MON2: variants seen among roughly 807,000 people sequenced by gnomAD.
MON2 encodes the protein MON2 regulator of endosome-to-Golgi trafficking.
A neutral mutation model predicts 208.6 loss-of-function variants in MON2; 84 were observed. The observed-to-expected ratio is 0.40, with a 90% confidence interval of 0.34 to 0.48. The LOEUF is 0.48. Among genes scored for constraint, MON2 ranks in the 20% least tolerant of loss-of-function variants. The probability of loss-of-function intolerance (pLI) is 0.59; values close to 1 mark genes in which losing one functional copy is unlikely to be tolerated. For synonymous variants in MON2, 660 were observed against 694.0 expected (o/e 0.95, Z 0.77); for missense variants, 1,611 against 2,015.4 (o/e 0.80, Z 3.84).
chr12:62,564,278 A>G (rs1304080276), intron 26 of MON2, among the ~76,000 whole-genome samples: 1 of 152,100 alleles, frequency 6.6e-6, no homozygotes, highest in Non-Finnish European at 1.5e-5. Flanking sequence ...TTTTGTACAT[A>G]CTGTTTTTAA....
intron 29 of MON2, among the ~76,000 whole-genome samples, chr12:62,568,109 A>T (rs1311455160): frequency 6.6e-6 from 1 of 152,204 alleles, no homozygotes; most frequent in Non-Finnish European, 1.5e-5. Context: ...AATAGAGATG[A>T]CACTTGAAAA....
intron 11 of MON2, among the ~76,000 whole-genome samples, chr12:62,528,333 A>C (rs992561758): frequency 2.6e-5 from 4 of 152,154 alleles, no homozygotes; most frequent in African/African-American, 9.7e-5. Context: ...TTGAAAACTT[A>C]AGTGATATAT....
intron 1 of MON2, among the ~76,000 whole-genome samples, chr12:62,476,323 G>A (rs142216351): frequency 3.7e-3 from 562 of 152,170 alleles, no homozygotes; most frequent in Non-Finnish European, 4.2e-3. Context: ...ACTTGACTTC[G>A]GGTCTTTTGA....
intron 8 of MON2, among the ~76,000 whole-genome samples, chr12:62,519,936 C>G (rs570630791): frequency 1.3e-5 from 2 of 152,378 alleles, no homozygotes; most frequent in African/African-American, 4.8e-5. Context: ...CTGCCTCAGC[C>G]TCTTGAGTAG....
At chr12:62,590,501 A>G (rs2075365355) in intron 34 of MON2, among the ~76,000 whole-genome samples, 1 of 152,186 alleles carries the variant, frequency 6.6e-6, no homozygotes, top group African/African-American at 2.4e-5. Flanking sequence ...ATACAGGGGA[A>G]AGTTTTAATA....
intron 31 of MON2, among the ~76,000 whole-genome samples, chr12:62,580,056 C>G (rs1305381656): frequency 6.6e-6 from 1 of 151,988 alleles, no homozygotes; most frequent in East Asian, 1.9e-4. Flanking sequence ...AACATTTGTC[C>G]AAATGGTTGG....
intron 8 of MON2, among the ~76,000 whole-genome samples, chr12:62,512,473 A>G (rs2071455591): frequency 6.6e-6 from 1 of 152,216 alleles, no homozygotes; most frequent in Non-Finnish European, 1.5e-5. Context: ...AAGCTCCAAA[A>G]TGACCTCCTT....
At chr12:62,484,116 A>C (rs2069616384) in intron 1 of MON2, 54 bp from the exon 2 acceptor site, 1 of 1,267,216 alleles carries the variant, frequency 7.9e-7, no homozygotes, top group Non-Finnish European at 1.1e-6. Context: ...TATTTTCCAT[A>C]GATAATTCAT....
chr12:62,538,784 T>C (rs1351053479), intron 19 of MON2, among the ~76,000 whole-genome samples: 1 of 151,966 alleles, frequency 6.6e-6, no homozygotes, highest in Non-Finnish European at 1.5e-5. Context: ...TATAATACAG[T>C]TTTATAGGTT....
intron 2 of MON2, 123 bp downstream of exon 2, chr12:62,484,356 A>C: frequency 1.6e-6 from 1 of 620,778 alleles, no homozygotes; most frequent in South Asian, 2.2e-5. Flanking sequence ...AACATATGCT[A>C]TTCATAATGA....
chr12:62,471,842 A>G (rs958784031), intron 1 of MON2, among the ~76,000 whole-genome samples: 1 of 152,218 alleles, frequency 6.6e-6, no homozygotes, highest in African/African-American at 2.4e-5. Context: ...CAATCTGAGA[A>G]AGGACACATT....
chr12:62,567,991 G>GATAC (rs763781718), intron 29 of MON2, among the ~76,000 whole-genome samples: 24 of 152,268 alleles, frequency 1.6e-4, no homozygotes, highest in Admixed American at 1.2e-3. Flanking sequence ...AATCCATTGA[G>GATAC]ATACAGCATT....
intron 8 of MON2, among the ~76,000 whole-genome samples, chr12:62,511,289 C>T (rs1292193102): frequency 1.3e-5 from 2 of 152,118 alleles, no homozygotes; most frequent in Non-Finnish European, 2.9e-5. Flanking sequence ...CAAGGGACCC[C>T]AAATTGCCAA....
intron 25 of MON2, among the ~76,000 whole-genome samples, chr12:62,556,866 A>G (rs1219482723): frequency 6.6e-6 from 1 of 152,194 alleles, no homozygotes; most frequent in Non-Finnish European, 1.5e-5. Flanking sequence ...GCTTGAGCCC[A>G]GGAGTTTGAA....
At chr12:62,581,947 A>C (rs966251277) in intron 32 of MON2, among the ~76,000 whole-genome samples, 4 of 152,206 alleles carry the variant, frequency 2.6e-5, no homozygotes, top group Admixed American at 2.6e-4. Flanking sequence ...AAGAGCATTT[A>C]TGTGTACAGT....
chr12:62,525,071 A>T lies in MON2; in HGVS notation c.1110-13A>T. On this transcript the variant is annotated splice_polypyrimidine_tract_variant and intron_variant, in intron 9 of 34. Transcript: ENST00000393630. ...AAATGTTTTTCCCAAAAACCTTTTA[A>T]ATTATTTTACAGGTCATTTTGTCAG... is the stretch of plus-strand genomic sequence containing the variant. The T allele has an allele frequency of 6.3e-7, 1 of 1,598,384 alleles. No individual in the cohort carries two copies. Among genetic ancestry groups the T allele is most frequent in the Non-Finnish European group, 8.5e-7 (1 of 1,170,498 alleles).
At chr12:62,581,816 C>T (rs2075017656) in intron 32 of MON2, among the ~76,000 whole-genome samples, 1 of 152,060 alleles carries the variant, frequency 6.6e-6, no homozygotes, top group Admixed American at 6.6e-5. Flanking sequence ...GGCGACAGAG[C>T]GAGACTGTCT....
At chr12:62,549,581 C>T in intron 22 of MON2, 87 bp from the exon 23 acceptor site, 1 of 1,259,046 alleles carries the variant, frequency 7.9e-7, no homozygotes, top group Non-Finnish European at 1.1e-6. Flanking sequence ...CACTGCACTC[C>T]AACCTGAGTG....
At chr12:62,571,043 C>A (rs1358098940) in intron 29 of MON2, among the ~76,000 whole-genome samples, 1 of 152,046 alleles carries the variant, frequency 6.6e-6, no homozygotes, top group African/African-American at 2.4e-5. Flanking sequence ...ATTTTCTAAT[C>A]CATAACATCG....
Sources: gnomAD v4.1 joint callset for allele counts (sites outside exome capture counted in the v4.1 genomes callset) on GRCh38, gnomAD v4.1.1 for gene constraint, MANE v1.5 for transcripts, NCBI Gene and HGNC (gene_info 2026-07-23, HGNC 2026-07-21) for gene names.